PDLIM1: variants seen among roughly 807,000 people sequenced by gnomAD.
PDLIM1 encodes the protein PDZ and LIM domain 1.
PDLIM1 carries 25 observed loss-of-function variants against 35.2 expected under a neutral mutation model. The ratio of observed to expected loss-of-function variants is 0.71; its 90% CI spans 0.52 to 0.99. The LOEUF (loss-of-function observed/expected upper bound fraction) is 0.99, where lower values mean the gene tolerates loss of function less well. Ranked by LOEUF, PDLIM1 falls within the 50% of genes least tolerant of loss-of-function variation. PDLIM1 has a pLI of 0.00. For synonymous variants in PDLIM1, 152 were observed against 154.0 expected (o/e 0.99, Z 0.10); for missense variants, 363 against 415.3 (o/e 0.87, Z 1.09).
intron 1 of PDLIM1, among the ~76,000 whole-genome samples, chr10:95,288,923 G>A (rs1589522386): frequency 6.6e-6 from 1 of 152,186 alleles, no homozygotes; most frequent in African/African-American, 2.4e-5. Context: ...AATATGATAC[G>A]TGCTCATTAA....
At chr10:95,267,465 T>A (rs1284222363) in intron 3 of PDLIM1, among the ~76,000 whole-genome samples, 17 of 152,230 alleles carry the variant, frequency 1.1e-4, no homozygotes, top group Non-Finnish European at 1.9e-4. Context: ...TTTGCACAAC[T>A]GCCAGTGTAT....
At chr10:95,264,438 AG>A (rs1482208665) in intron 3 of PDLIM1, among the ~76,000 whole-genome samples, 1 of 152,226 alleles carries the variant, frequency 6.6e-6, no homozygotes, top group African/African-American at 2.4e-5. Context: ...TTAAAGCACT[AG>A]GTGAAGAGAA....
intron 5 of PDLIM1, among the ~76,000 whole-genome samples, chr10:95,241,494 C>T (rs1190434877): frequency 6.6e-6 from 1 of 152,150 alleles, no homozygotes; most frequent in African/African-American, 2.4e-5. Flanking sequence ...TCGATTGTCA[C>T]AGTGAAAGGG....
chr10:95,257,896 C>T (rs570670011), intron 4 of PDLIM1, among the ~76,000 whole-genome samples: 1 of 152,288 alleles, frequency 6.6e-6, no homozygotes, highest in Non-Finnish European at 1.5e-5. Flanking sequence ...GCAACCTAAA[C>T]GTCCATAAAA....
intron 4 of PDLIM1, among the ~76,000 whole-genome samples, chr10:95,256,285 A>C (rs1466371436): frequency 6.6e-6 from 1 of 152,236 alleles, no homozygotes; most frequent in East Asian, 1.9e-4. Flanking sequence ...AGCAATCTAC[A>C]TCTTCAATGC....
chr10:95,252,672 T>C (rs2035276926), intron 4 of PDLIM1, among the ~76,000 whole-genome samples: 1 of 151,784 alleles, frequency 6.6e-6, no homozygotes, highest in Non-Finnish European at 1.5e-5. Context: ...TTAAAACAAA[T>C]AAAGTCTCAA....
At chr10:95,274,599 G>C (rs2035496036) in intron 1 of PDLIM1, among the ~76,000 whole-genome samples, 1 of 152,026 alleles carries the variant, frequency 6.6e-6, no homozygotes, top group Admixed American at 6.6e-5. Context: ...GCCCAGCTCA[G>C]TCATCCTTTT....
chr10:95,255,937 A>ACAC (rs1554832046), intron 4 of PDLIM1, among the ~76,000 whole-genome samples: 2 of 151,316 alleles, frequency 1.3e-5, no homozygotes, highest in Non-Finnish European at 1.5e-5. Flanking sequence ...ACACACACAC[A>ACAC]ATTGGAACTA....
chr10:95,242,844 T>C (rs959630463), intron 5 of PDLIM1, among the ~76,000 whole-genome samples: 5 of 152,164 alleles, frequency 3.3e-5, no homozygotes, highest in African/African-American at 4.8e-5. Flanking sequence ...GATGAAGCCA[T>C]CTGGCTGCCT....
chr10:95,249,077 G>T (rs958249224), intron 4 of PDLIM1, among the ~76,000 whole-genome samples: 2 of 152,238 alleles, frequency 1.3e-5, no homozygotes, highest in African/African-American at 2.4e-5. Context: ...AGCATGGCCT[G>T]TCTTGCTCCC....
intron 5 of PDLIM1, among the ~76,000 whole-genome samples, chr10:95,240,922 G>T (rs1371504365): frequency 1.4e-5 from 2 of 147,768 alleles, no homozygotes; most frequent in East Asian, 3.9e-4. Flanking sequence ...TCACCTGGAG[G>T]CCTTGTTAAC....
At chr10:95,274,548 C>T (rs1380198520) in intron 1 of PDLIM1, among the ~76,000 whole-genome samples, 9 of 152,062 alleles carry the variant, frequency 5.9e-5, no homozygotes, top group Non-Finnish European at 5.9e-5. Flanking sequence ...CCACCCACCT[C>T]GGCCTCCCAA....
chr10:95,283,831 A>G (rs367934059), intron 1 of PDLIM1, among the ~76,000 whole-genome samples: 7 of 152,360 alleles, frequency 4.6e-5, no homozygotes, highest in East Asian at 3.9e-4. Flanking sequence ...CTGAACTGCT[A>G]AACCTCCCTG....
intron 5 of PDLIM1, among the ~76,000 whole-genome samples, chr10:95,240,574 T>C (rs1589504293): frequency 6.6e-6 from 1 of 152,194 alleles, no homozygotes; most frequent in South Asian, 2.1e-4. Context: ...TGGGATGATC[T>C]GTGCAGCAAA....
intron 1 of PDLIM1, among the ~76,000 whole-genome samples, chr10:95,280,383 T>TA (rs1371286014): frequency 1.2e-4 from 18 of 151,828 alleles, no homozygotes; most frequent in South Asian, 2.1e-4. Context: ...TCCAAAAAAT[T>TA]AAAAAAAAAT....
At chr10:95,266,263 G>C (rs931302134) in intron 3 of PDLIM1, among the ~76,000 whole-genome samples, 35 of 152,202 alleles carry the variant, frequency 2.3e-4, no homozygotes, top group African/African-American at 8.2e-4. Context: ...AGTTATCAAA[G>C]AGTAGTTAAG....
intron 4 of PDLIM1, among the ~76,000 whole-genome samples, chr10:95,260,946 G>A (rs2035356483): frequency 6.6e-6 from 1 of 152,216 alleles, no homozygotes; most frequent in Non-Finnish European, 1.5e-5. Flanking sequence ...CAAGCAGCAT[G>A]GCCAGTTAGG....
chr10:95,248,949 G>A (rs1212699262), intron 4 of PDLIM1, among the ~76,000 whole-genome samples: 1 of 152,172 alleles, frequency 6.6e-6, no homozygotes, highest in African/African-American at 2.4e-5. Flanking sequence ...CAAACAGTCC[G>A]CCACATCCCC....
intron 4 of PDLIM1, 24 bp from the exon 5 acceptor site, chr10:95,247,390 G>A: frequency 6.2e-7 from 1 of 1,601,564 alleles, no homozygotes; most frequent in Non-Finnish European, 8.5e-7. Context: ...TTGAAAAATT[G>A]ATTAGGACAT....
Sources: allele counts gnomAD v4.1 joint callset (sites outside exome capture counted in the v4.1 genomes callset), GRCh38; gene constraint gnomAD v4.1.1; transcripts MANE v1.5; gene names NCBI Gene and HGNC (gene_info 2026-07-23, HGNC 2026-07-21).